ZNF536: variants seen among roughly 807,000 people sequenced by gnomAD.
ZNF536 encodes zinc finger protein 536.
Under a neutral mutation model 84.5 loss-of-function variants are expected in ZNF536, and 13 were observed. The observed-to-expected ratio is 0.15, with a 90% CI of 0.10 to 0.24. The LOEUF is 0.24. Among genes scored for constraint, ZNF536 ranks in the 10% least tolerant of loss-of-function variants. The pLI, the probability that ZNF536 is intolerant of heterozygous loss-of-function variation, is 1.00. For synonymous variants in ZNF536, 811 were observed against 742.5 expected, an observed-to-expected ratio of 1.09 and a Z score of -1.50; for missense variants, 1,536 against 1,747.5, an observed-to-expected ratio of 0.88 and a Z score of 2.16.
chr19:30,330,483 G>A (rs1214169581), intron 2 of ZNF536, among the ~76,000 whole-genome samples: 5 of 152,204 alleles, frequency 3.3e-5, no homozygotes, highest in Non-Finnish European at 5.9e-5. Flanking sequence ...CGACTTTGGA[G>A]CTGGGGATGG....
chr19:30,665,431 G>A (rs2050278696), intron 1 of ZNF536: 1 of 152,292 alleles, frequency 6.6e-6, no homozygotes, highest in Non-Finnish European at 1.5e-5. Context: ...ATGTTTCTAT[G>A]TTGCTCCCTG....
chr19:30,255,320 A>C (rs1473839874), intron 1 of ZNF536, among the ~76,000 whole-genome samples: 3 of 152,140 alleles, frequency 2.0e-5, no homozygotes, highest in African/African-American at 7.2e-5. Flanking sequence ...AAACCTGACA[A>C]GGAATATTTG....
At chr19:30,249,541 TA>T (rs2024486752) in intron 1 of ZNF536, among the ~76,000 whole-genome samples, 1 of 152,086 alleles carries the variant, frequency 6.6e-6, no homozygotes, top group Non-Finnish European at 1.5e-5. Flanking sequence ...CCAAATGACT[TA>T]CCAAAAAACA....
chr19:30,678,643 C>T (rs2050844212), intron 1 of ZNF536, among the ~76,000 whole-genome samples: 1 of 152,142 alleles, frequency 6.6e-6, no homozygotes, highest in Non-Finnish European at 1.5e-5. Flanking sequence ...CACTGGACTC[C>T]TAGAGCCAAG....
chr19:30,326,811 TTTTTTTTG>T, intron 2 of ZNF536, among the ~76,000 whole-genome samples: 1 of 134,156 alleles, frequency 7.5e-6, no homozygotes, highest in African/African-American at 2.9e-5. Flanking sequence ...TTTTTTTTTT[TTTTTTTTG>T]TTTTCTAGTT....
At chr19:30,387,558 A>C (rs1166397180) in intron 1 of ZNF536, among the ~76,000 whole-genome samples, 1 of 152,204 alleles carries the variant, frequency 6.6e-6, no homozygotes, top group Non-Finnish European at 1.5e-5. Flanking sequence ...CCAATTTGGA[A>C]GCCGTGGAGG....
intron 1 of ZNF536, among the ~76,000 whole-genome samples, chr19:30,704,162 G>A (rs547795560): frequency 1.3e-5 from 2 of 152,318 alleles, no homozygotes; most frequent in South Asian, 4.1e-4. Flanking sequence ...GGAGCTGGCA[G>A]GAGTGGGTGT....
At chr19:30,673,882 T>C (rs946781467) in intron 1 of ZNF536, among the ~76,000 whole-genome samples, 6 of 152,258 alleles carry the variant, frequency 3.9e-5, no homozygotes, top group African/African-American at 1.4e-4. Context: ...TTTAGATTTA[T>C]GTTGGGTTCT....
At chr19:30,321,558 A>T (rs2046856271) in intron 2 of ZNF536, among the ~76,000 whole-genome samples, 1 of 151,930 alleles carries the variant, frequency 6.6e-6, no homozygotes. Context: ...ACTCTGTCTT[A>T]AAAAAATAAA....
At chr19:30,630,144 AG>A (rs2048837475) in intron 1 of ZNF536, among the ~76,000 whole-genome samples, 1 of 152,240 alleles carries the variant, frequency 6.6e-6, no homozygotes, top group Non-Finnish European at 1.5e-5. Context: ...CAGGGGCTAC[AG>A]CTGGTAACTT....
chr19:30,232,910 C>A (rs1301146151), intron 1 of ZNF536, among the ~76,000 whole-genome samples: 1 of 152,256 alleles, frequency 6.6e-6, no homozygotes, highest in Non-Finnish European at 1.5e-5. Context: ...ATTTCTATAT[C>A]TCCCTTGGGG....
intron 3 of ZNF536, among the ~76,000 whole-genome samples, chr19:30,353,095 G>C (rs2064963506): frequency 6.6e-6 from 1 of 152,218 alleles, no homozygotes; most frequent in Admixed American, 6.5e-5. Flanking sequence ...CTTGGCTGTT[G>C]AGAACCTCAG....
intron 2 of ZNF536, among the ~76,000 whole-genome samples, chr19:30,347,958 C>T (rs1304303107): frequency 6.6e-6 from 1 of 152,198 alleles, no homozygotes; most frequent in Non-Finnish European, 1.5e-5. Context: ...CTTACTTCAA[C>T]CCGCCACGTG....
At chr19:30,581,011 G>A (rs1453053647) in intron 1 of ZNF536, among the ~76,000 whole-genome samples, 3 of 152,148 alleles carry the variant, frequency 2.0e-5, no homozygotes, top group Admixed American at 6.5e-5. Context: ...TTAGCTTCTG[G>A]AATTATGAGC....
chr19:30,290,007 ACCCATTAAATAACTC>A (rs1206874857), intron 2 of ZNF536, among the ~76,000 whole-genome samples: 2 of 152,110 alleles, frequency 1.3e-5, no homozygotes, highest in Non-Finnish European at 1.5e-5. Context: ...GAAACTCTAT[ACCCATTAAATAACTC>A]CCCATTCTCC....
intron 2 of ZNF536, among the ~76,000 whole-genome samples, chr19:30,341,657 A>AT (rs796887036): frequency 6.4e-4 from 96 of 151,020 alleles, no homozygotes; most frequent in African/African-American, 2.0e-3. Flanking sequence ...ACTTGCAGAG[A>AT]TTTTTTTTTC....
intron 4 of ZNF536, chr19:30,554,624 G>T (rs937302962): frequency 1.3e-5 from 2 of 152,182 alleles, no homozygotes; most frequent in Non-Finnish European, 1.5e-5. Flanking sequence ...AAGGGCCAGA[G>T]AATAAAAGTG....
chr19:30,308,996 G>A (rs2046420228), intron 2 of ZNF536, among the ~76,000 whole-genome samples: 1 of 152,120 alleles, frequency 6.6e-6, no homozygotes, highest in South Asian at 2.1e-4. Flanking sequence ...CAAGATCTCT[G>A]AGGAGTCCTG....
rs548605221 is a variant in ZNF536, at chr19:30,605,522, C to G, written c.169+56008C>G. 4.6e-5 allele frequency among the ~76,000 whole-genome samples: 7 copies of G among 152,288 alleles called. No homozygotes were observed. The South Asian group carries it at 1.5e-3, about 32-fold the overall frequency. ...TTGCTGCAAAACACATTGTTTCATT[C>G]CTTTTCATAGCAGAGTAGTATTCCA... is the stretch of plus-strand genomic sequence containing the variant. On this transcript the variant is annotated intron_variant, in intron 1 of 1. Transcript: ENST00000592773.
Sources: allele counts gnomAD v4.1 joint callset (sites outside exome capture counted in the v4.1 genomes callset), GRCh38; gene constraint gnomAD v4.1.1; transcripts MANE v1.5; gene names NCBI Gene and HGNC (gene_info 2026-07-23, HGNC 2026-07-21).